Variants in PHF14 observed in about 807,000 individuals in gnomAD.
PHF14 encodes PHD finger protein 14.
In PHF14, 55 loss-of-function variants were observed where a neutral mutation model predicts 117.9. The ratio of observed to expected loss-of-function variants is 0.47; its 90% confidence interval spans 0.38 to 0.58. PHF14 has a LOEUF of 0.58. PHF14 is among the 20% of genes least tolerant of loss of function. The probability of loss-of-function intolerance (pLI) is 0.00; values close to 1 mark genes in which losing one functional copy is unlikely to be tolerated. For synonymous variants in PHF14, 409 were observed against 368.6 expected, an observed-to-expected ratio of 1.11 and a Z score of -1.26; for missense variants, 978 against 1,122.2, an observed-to-expected ratio of 0.87 and a Z score of 1.84.
At chr7:11,118,783 G>A (rs1369122159) in intron 17 of PHF14, among the ~76,000 whole-genome samples, 2 of 151,722 alleles carry the variant, frequency 1.3e-5, no homozygotes, top group Non-Finnish European at 3.0e-5. Flanking sequence ...TTAACCTAAG[G>A]TAGTTTTCAT....
intron 3 of PHF14, among the ~76,000 whole-genome samples, chr7:10,989,524 C>G (rs1411750274): frequency 1.3e-5 from 2 of 152,108 alleles, no homozygotes; most frequent in Non-Finnish European, 2.9e-5. Flanking sequence ...GAATCATTTT[C>G]TTAACTTACT....
chr7:11,093,189 G>A (rs2995879), intron 16 of PHF14, among the ~76,000 whole-genome samples: 71,416 of 152,012 alleles, frequency 0.47, 17,381 homozygotes, highest in East Asian at 0.85. Context: ...AATGATTTCT[G>A]GTTTAATTGC....
chr7:10,996,990 G>T (rs1021593764), intron 4 of PHF14, among the ~76,000 whole-genome samples: 4 of 152,148 alleles, frequency 2.6e-5, no homozygotes, highest in East Asian at 3.9e-4. Flanking sequence ...CCAAATTAAG[G>T]CCTCAGGAAT....
chr7:11,144,524 A>G (rs1788493158), intron 17 of PHF14, among the ~76,000 whole-genome samples: 2 of 150,488 alleles, frequency 1.3e-5, no homozygotes, highest in Non-Finnish European at 1.5e-5. Flanking sequence ...TATAATTAAT[A>G]AACTATGTAC....
chr7:11,143,928 T>TA (rs1445564333), intron 17 of PHF14, among the ~76,000 whole-genome samples: 1 of 151,126 alleles, frequency 6.6e-6, no homozygotes, highest in African/African-American at 2.4e-5. Flanking sequence ...ATCAACAGAG[T>TA]AAAGAGACAA....
intron 14 of PHF14, among the ~76,000 whole-genome samples, chr7:11,053,923 G>A (rs910283840): frequency 6.6e-6 from 1 of 151,146 alleles, no homozygotes; most frequent in Admixed American, 6.6e-5. Context: ...ACAGATTTTG[G>A]TCAGTGAAAC....
intron 16 of PHF14, among the ~76,000 whole-genome samples, chr7:11,079,760 T>C (rs925566438): frequency 3.9e-5 from 6 of 152,156 alleles, no homozygotes; most frequent in South Asian, 2.1e-4. Context: ...ATATACAAAA[T>C]CATTTAGCTG....
At chr7:11,073,177 C>T (rs912075457) in intron 16 of PHF14, among the ~76,000 whole-genome samples, 8 of 152,136 alleles carry the variant, frequency 5.3e-5, no homozygotes, top group Admixed American at 2.0e-4. Context: ...CTCACTCCAT[C>T]GTTGATTCAA....
chr7:11,156,389 A>G (rs755282199), intron 17 of PHF14, among the ~76,000 whole-genome samples: 1 of 152,242 alleles, frequency 6.6e-6, no homozygotes, highest in Non-Finnish European at 1.5e-5. Flanking sequence ...ATGAGCTATT[A>G]CGTTCCAATA....
chr7:11,102,528 A>G, intron 16 of PHF14: 1 of 1,611,312 alleles, frequency 6.2e-7, no homozygotes. Context: ...TCATCCTCGG[A>G]GGCAATCCCG....
chr7:10,983,873 T>A (rs1782128348), intron 3 of PHF14, among the ~76,000 whole-genome samples: 2 of 152,202 alleles, frequency 1.3e-5, no homozygotes, highest in South Asian at 4.1e-4. Flanking sequence ...TACTGAAAGT[T>A]AGGTTTATTC....
intron 3 of PHF14, among the ~76,000 whole-genome samples, chr7:10,987,582 C>T (rs1782267931): frequency 6.6e-6 from 1 of 151,502 alleles, no homozygotes; most frequent in South Asian, 2.1e-4. Context: ...ATTTATTCTT[C>T]CTATAATTAC....
Position 11,036,534 on chromosome 7 carries a change from T to G in PHF14, c.1719T>G (p.Ala573=), listed in dbSNP as rs1784330957. The G allele has an allele frequency of 3.7e-6, 6 of 1,614,002 alleles. No homozygotes were observed. In the East Asian group the frequency reaches 1.3e-4, roughly 36 times the overall value. The change falls in exon 9 of 18, where the codon GCT becomes GCG. Residue 573 remains alanine (A), a synonymous_variant. Coordinates refer to ENST00000634607, the MANE Select transcript of PHF14 (RefSeq NM_001007157.2). Reference sequence around the variant, plus strand: ...TGCCCAGACCACTCACCAGCAGTGCTTCAGCTATTCGTAAACTTATGCGGA... The same window carrying G: ...TGCCCAGACCACTCACCAGCAGTGCGTCAGCTATTCGTAAACTTATGCGGA... ...EKLPRPLTSS[A]SAIRKLMRKA...
Position 11,169,577 on chromosome 7 carries a change from C to A in PHF14, c.*87C>A, listed in dbSNP as rs975218349. On this transcript the variant is annotated 3_prime_UTR_variant, in exon 18 of 18. Coordinates refer to ENST00000634607, the MANE Select transcript of PHF14 (RefSeq NM_001007157.2). ...ATTGTAAAATGTTAAATTGTAAAAT[C>A]TAATTTGCAAAATGTTCTCAATAAA... 7.2e-6 allele frequency: 4 copies of A among 559,436 alleles called. No individual in the cohort carries two copies. Among genetic ancestry groups the A allele is most frequent in the African/African-American group, 4.0e-5 (2 of 50,530 alleles). The allele number at this position is 559,436 out of a possible 1,614,324, so 34.7% of individuals were successfully genotyped here. A position where few individuals can be genotyped will look rare whatever the true frequency, so the allele number is the denominator to read the frequency against.
chr7:10,984,322 A>T (rs1253942967), intron 3 of PHF14, among the ~76,000 whole-genome samples: 2 of 152,150 alleles, frequency 1.3e-5, no homozygotes, highest in Non-Finnish European at 2.9e-5. Context: ...TTGGATTATA[A>T]ACATTGGTTA....
intron 17 of PHF14, among the ~76,000 whole-genome samples, chr7:11,122,402 T>G (rs1348690058): frequency 1.7e-5 from 2 of 118,490 alleles, no homozygotes; most frequent in Non-Finnish European, 3.6e-5. Flanking sequence ...CACACACATA[T>G]ATATATACAC....
At chr7:11,157,587 T>G (rs1788903508) in intron 17 of PHF14, among the ~76,000 whole-genome samples, 1 of 152,144 alleles carries the variant, frequency 6.6e-6, no homozygotes, top group African/African-American at 2.4e-5. Flanking sequence ...AATAAGGACA[T>G]CCACCTCCCA....
intron 4 of PHF14, among the ~76,000 whole-genome samples, chr7:10,998,207 G>T (rs1165361897): frequency 6.6e-6 from 1 of 152,164 alleles, no homozygotes; most frequent in Non-Finnish European, 1.5e-5. Context: ...AGGGAAAAAA[G>T]GATATATGGG....
At chr7:10,985,362 A>T (rs1198160981) in intron 3 of PHF14, among the ~76,000 whole-genome samples, 2 of 152,150 alleles carry the variant, frequency 1.3e-5, no homozygotes, top group East Asian at 1.9e-4. Flanking sequence ...TAGTAGAGTT[A>T]GGTGAAAATG....
Sources: allele counts gnomAD v4.1 joint callset (sites outside exome capture counted in the v4.1 genomes callset), GRCh38; gene constraint gnomAD v4.1.1; transcripts MANE v1.5; gene names NCBI Gene and HGNC (gene_info 2026-07-23, HGNC 2026-07-21).